Variants in OTUD7A observed in about 807,000 individuals in gnomAD.
OTUD7A encodes the protein OTU deubiquitinase 7A, also known as OTU domain-containing protein 7A.
Under a neutral mutation model 65.7 loss-of-function variants are expected in OTUD7A, and 12 were observed. The observed-to-expected ratio is 0.18, with a 90% CI of 0.12 to 0.30. The LOEUF is 0.30. Ranked by LOEUF, OTUD7A falls within the 10% of genes least tolerant of loss-of-function variation. OTUD7A has a pLI of 1.00. For missense variants in OTUD7A, 1,148 were observed against 1,304.8 expected (o/e 0.88, Z 1.85); for synonymous variants, 641 against 586.3 (o/e 1.09, Z -1.35).
chr15:31,779,501 A>G (rs1895479232), intron 1 of OTUD7A, among the ~76,000 whole-genome samples: 1 of 152,212 alleles, frequency 6.6e-6, no homozygotes, highest in South Asian at 2.1e-4. Context: ...TTTGCTTTAC[A>G]ATAAAAAACA....
chr15:31,842,244 T>C (rs905331954), intron 1 of OTUD7A, among the ~76,000 whole-genome samples: 2 of 152,238 alleles, frequency 1.3e-5, no homozygotes, highest in Non-Finnish European at 2.9e-5. Flanking sequence ...GAGGGGCTCC[T>C]GCAGTGTGGG....
At chr15:31,624,141 C>G (rs570703723) in intron 3 of OTUD7A, among the ~76,000 whole-genome samples, 1 of 152,328 alleles carries the variant, frequency 6.6e-6, no homozygotes, top group Non-Finnish European at 1.5e-5. Context: ...TATAACAAAA[C>G]ATCAACAAGC....
chr15:31,833,707 A>G (rs1048373307), intron 1 of OTUD7A, among the ~76,000 whole-genome samples: 12 of 152,270 alleles, frequency 7.9e-5, no homozygotes, highest in African/African-American at 2.4e-4. Flanking sequence ...CTAGATTTAA[A>G]TATCTTAGAA....
At chr15:31,676,212 G>C (rs1370345447) in intron 1 of OTUD7A, among the ~76,000 whole-genome samples, 3 of 152,226 alleles carry the variant, frequency 2.0e-5, no homozygotes, top group Non-Finnish European at 2.9e-5. Context: ...AAGAGAGAGA[G>C]AATTTGGTAG....
At chr15:31,759,903 T>G (rs1024919295) in intron 1 of OTUD7A, among the ~76,000 whole-genome samples, 3 of 152,180 alleles carry the variant, frequency 2.0e-5, no homozygotes, top group Non-Finnish European at 2.9e-5. Context: ...TCTGGACTTG[T>G]ACCAAACCTG....
chr15:31,826,523 G>C (rs928610379), intron 1 of OTUD7A, among the ~76,000 whole-genome samples: 10 of 152,218 alleles, frequency 6.6e-5, no homozygotes, highest in African/African-American at 2.4e-5. Flanking sequence ...CCTGTGATAG[G>C]AGGGGCTGAT....
rs573411819 is a variant in OTUD7A, at chr15:31,719,749, A to G, written c.-99-62672T>C. On this transcript the variant is annotated intron_variant, in intron 1 of 12. Transcript: ENST00000307050. ...AATGACATCACATCTTACTCAGAAG[A>G]AAAGCCAAGTCCTACCACATCTTAC... 5.3e-5 allele frequency among the ~76,000 whole-genome samples: 8 copies of G among 152,322 alleles called. No individual in the cohort carries two copies. The East Asian group carries it at 1.5e-3, about 29-fold the overall frequency.
At chr15:31,634,756 CCA>C (rs1247999266) in intron 3 of OTUD7A, among the ~76,000 whole-genome samples, 1 of 152,252 alleles carries the variant, frequency 6.6e-6, no homozygotes, top group Non-Finnish European at 1.5e-5. Context: ...AGGGGCTGCC[CCA>C]CACAGAAACC....
intron 1 of OTUD7A, among the ~76,000 whole-genome samples, chr15:31,791,932 G>C (rs1895827146): frequency 6.6e-6 from 1 of 152,000 alleles, no homozygotes; most frequent in Admixed American, 6.6e-5. Flanking sequence ...AATAGCACCT[G>C]GATGATGTAG....
At chr15:31,711,731 A>G (rs1893452349) in intron 1 of OTUD7A, among the ~76,000 whole-genome samples, 1 of 133,882 alleles carries the variant, frequency 7.5e-6, no homozygotes, top group African/African-American at 2.8e-5. Flanking sequence ...AACATATGAA[A>G]AGAATGCATA....
intron 1 of OTUD7A, among the ~76,000 whole-genome samples, chr15:31,678,131 T>A (rs1189973213): frequency 2.0e-5 from 3 of 152,182 alleles, no homozygotes; most frequent in African/African-American, 7.2e-5. Context: ...AGAGAGATGA[T>A]TTAGGGTATC....
chr15:31,780,523 T>C (rs979246052), intron 1 of OTUD7A, among the ~76,000 whole-genome samples: 7 of 152,308 alleles, frequency 4.6e-5, no homozygotes, highest in Admixed American at 3.3e-4. Flanking sequence ...TGACTCCAGA[T>C]CTGTGGGCTC....
At chr15:31,802,807 C>G (rs548010604) in intron 1 of OTUD7A, among the ~76,000 whole-genome samples, 2 of 152,178 alleles carry the variant, frequency 1.3e-5, no homozygotes, top group Non-Finnish European at 2.9e-5. Context: ...AAGGCAATTA[C>G]CATCTCTTTG....
At chr15:31,570,629 T>C (rs368368793) in intron 3 of OTUD7A, among the ~76,000 whole-genome samples, 44 of 152,254 alleles carry the variant, frequency 2.9e-4, no homozygotes, top group South Asian at 1.7e-3. Flanking sequence ...TGCTCAGAGT[T>C]TTACTTTTTA....
intron 1 of OTUD7A, among the ~76,000 whole-genome samples, chr15:31,842,582 A>G (rs976958345): frequency 6.6e-6 from 1 of 152,112 alleles, no homozygotes; most frequent in Admixed American, 6.5e-5. Context: ...GGGGACAGAG[A>G]GGACACTGCA....
chr15:31,513,096 C>T (rs148330088), intron 8 of OTUD7A, among the ~76,000 whole-genome samples: 92 of 152,276 alleles, frequency 6.0e-4, no homozygotes, highest in Non-Finnish European at 8.8e-4. Flanking sequence ...GTCTCGAACT[C>T]CTGGCCTCAA....
In OTUD7A at chr15:31,860,677, G is replaced by GTGTATATATATA. The variant is rs560896384; in HGVS notation, c.-100+9829_-100+9830insTATATATATACA. On this transcript the variant is annotated intron_variant, in intron 1 of 12. Transcript: ENST00000307050. ...TGTGTGTATATATAGATGTATGTGT[G>GTGTATATATATA]TATATATATATATATATATATATGT... Among the ~76,000 whole-genome samples, 534 of 73,264 alleles carry GTGTATATATATA rather than the reference G, an allele frequency of 7.3e-3. 30 individuals carry two copies. The highest frequency in any genetic ancestry group is 0.016 in the African/African-American group (342 of 21,628). 48.1% of individuals were successfully genotyped at this position (73,264 alleles called of 152,430 possible).
Position 31,579,481 on chromosome 15 carries a change from G to A in OTUD7A, c.152-9284C>T, listed in dbSNP as rs181310764. On this transcript the variant is annotated intron_variant, in intron 3 of 12. Transcript: ENST00000307050. ...CCGAGATGGCCACTTAGTGATGAAC[G>A]GGTGGGTGACATGTTCAGCCTGGAC... Among the ~76,000 whole-genome samples the A allele has an allele frequency of 2.4e-3, 358 of 152,214 alleles. 1 individual carries two copies. Among genetic ancestry groups the A allele is most frequent in the African/African-American group, 8.1e-3 (338 of 41,552 alleles).
At chr15:31,754,625 C>T (rs1894757350) in intron 1 of OTUD7A, among the ~76,000 whole-genome samples, 2 of 152,120 alleles carry the variant, frequency 1.3e-5, no homozygotes, top group African/African-American at 4.8e-5. Flanking sequence ...GTACTTTCCC[C>T]ACTTCGTTTT....
Sources: allele counts gnomAD v4.1 joint callset (sites outside exome capture counted in the v4.1 genomes callset), GRCh38; gene constraint gnomAD v4.1.1; transcripts MANE v1.5; gene names NCBI Gene and HGNC (gene_info 2026-07-23, HGNC 2026-07-21).